The following ADAM23 variants were observed in gnomAD, a reference collection of about 807,000 sequenced individuals.
ADAM23 encodes the protein disintegrin and metalloproteinase domain-containing protein 23.
In ADAM23, 33 loss-of-function variants were observed where a neutral mutation model predicts 120.1. That is an observed-to-expected ratio of 0.27 (90% CI 0.21 to 0.37). The LOEUF is 0.37. Ranked by LOEUF, ADAM23 falls within the 10% of genes least tolerant of loss-of-function variation. The probability of loss-of-function intolerance (pLI) is 1.00; values close to 1 mark genes in which losing one functional copy is unlikely to be tolerated. For synonymous variants in ADAM23, 367 were observed against 375.2 expected, an observed-to-expected ratio of 0.98 and a Z score of 0.25; for missense variants, 862 against 1,058.2, an observed-to-expected ratio of 0.81 and a Z score of 2.57.
intron 8 of ADAM23, 48 bp from the exon 9 acceptor site, chr2:206,550,047 G>C (rs1218576367): frequency 8.0e-6 from 10 of 1,249,950 alleles, no homozygotes; most frequent in Non-Finnish European, 1.0e-5. Context: ...GCACTAGAGA[G>C]ATTTTATGTC....
intron 2 of ADAM23, among the ~76,000 whole-genome samples, chr2:206,445,997 GTTTC>G (rs1695075609): frequency 6.6e-6 from 1 of 151,992 alleles, no homozygotes; most frequent in Non-Finnish European, 1.5e-5. Context: ...TAAACAGTCT[GTTTC>G]TTTAATTGAT....
chr2:206,446,440 A>T (rs1034872070), intron 2 of ADAM23, among the ~76,000 whole-genome samples: 2 of 152,196 alleles, frequency 1.3e-5, no homozygotes, highest in African/African-American at 4.8e-5. Flanking sequence ...ACAGTTAGCA[A>T]TTAACTGTCT....
Position 206,473,934 on chromosome 2 carries a change from G to T in ADAM23, c.433-7298G>T, listed in dbSNP as rs1024944242. Reference sequence around the variant, plus strand: ...AGGCTGAGGTGGGAGGATTGCTTCAGCTAGGAGGTCAAGGCTGCAGTGAGT... The same window carrying T: ...AGGCTGAGGTGGGAGGATTGCTTCATCTAGGAGGTCAAGGCTGCAGTGAGT... On this transcript the variant is annotated intron_variant, in intron 2 of 25. Transcript: ENST00000264377. Among the ~76,000 whole-genome samples the T allele has an allele frequency of 4.0e-5, 6 of 150,192 alleles. No individual in the cohort carries two copies. The East Asian group carries it at 1.2e-3, about 29-fold the overall frequency.
At chr2:206,540,628 C>G (rs1256932837) in intron 4 of ADAM23, among the ~76,000 whole-genome samples, 2 of 152,050 alleles carry the variant, frequency 1.3e-5, no homozygotes, top group African/African-American at 4.8e-5. Context: ...AGGAGTGACT[C>G]TTAGCTTTGA....
intron 25 of ADAM23, among the ~76,000 whole-genome samples, chr2:206,617,036 T>C (rs570895919): frequency 1.3e-5 from 2 of 152,174 alleles, no homozygotes; most frequent in African/African-American, 2.4e-5. Flanking sequence ...TTTCTAGATA[T>C]AAAAAATGCT....
At chr2:206,568,749 C>T (rs1323858804) in intron 15 of ADAM23, among the ~76,000 whole-genome samples, 1 of 152,182 alleles carries the variant, frequency 6.6e-6, no homozygotes, top group Non-Finnish European at 1.5e-5. Context: ...TCAAATATAG[C>T]TCATTGCTAT....
intron 3 of ADAM23, among the ~76,000 whole-genome samples, chr2:206,524,694 C>T (rs1312288921): frequency 6.6e-6 from 1 of 152,176 alleles, no homozygotes; most frequent in African/African-American, 2.4e-5. Context: ...CATCAGATCT[C>T]GTGAGACTTA....
intron 11 of ADAM23, 41 bp downstream of exon 11, chr2:206,560,159 A>T: frequency 6.4e-7 from 1 of 1,560,478 alleles, no homozygotes; most frequent in Non-Finnish European, 8.7e-7. Context: ...CTTTGGTCTG[A>T]CATTTATCCT....
chr2:206,572,532 T>C (rs1698024964), intron 17 of ADAM23, among the ~76,000 whole-genome samples: 1 of 152,238 alleles, frequency 6.6e-6, no homozygotes, highest in Non-Finnish European at 1.5e-5. Context: ...CCTTGCTTCA[T>C]GTCCCCAACC....
At position 206,525,662 on chromosome 2, in the gene ADAM23, G is replaced by A. The variant is rs1008811639; in HGVS notation, c.510-5223G>A. Among the ~76,000 whole-genome samples the A allele has an allele frequency of 4.6e-5, 7 of 152,102 alleles. No homozygotes were observed. In the East Asian group the frequency reaches 1.4e-3, roughly 29 times the overall value. On this transcript the variant is annotated intron_variant, in intron 3 of 25. Coordinates refer to ENST00000264377, the MANE Select transcript of ADAM23 (RefSeq NM_003812.4). The stretch of plus-strand genomic sequence containing the variant: ...GCTGGAATGCAGTGGTGTGATCTCG[G>A]CTCACTGCAACCTCTGCCTCACAGG...
At chr2:206,450,918 C>T (rs1046813237) in intron 2 of ADAM23, among the ~76,000 whole-genome samples, 13 of 152,102 alleles carry the variant, frequency 8.5e-5, no homozygotes, top group African/African-American at 2.9e-4. Context: ...ACACTTTGTC[C>T]CTACCTTTGC....
intron 6 of ADAM23, among the ~76,000 whole-genome samples, chr2:206,543,882 G>A (rs1296143070): frequency 6.6e-6 from 1 of 152,140 alleles, no homozygotes; most frequent in Non-Finnish European, 1.5e-5. Flanking sequence ...ACTCAGGAGT[G>A]GAAAACCAAA....
intron 2 of ADAM23, among the ~76,000 whole-genome samples, chr2:206,452,844 A>C (rs1695224075): frequency 6.6e-6 from 1 of 151,862 alleles, no homozygotes; most frequent in African/African-American, 2.4e-5. Context: ...CCTGCCTATA[A>C]ATAGTCGCTG....
chr2:206,528,544 A>G (rs888373096), intron 3 of ADAM23, among the ~76,000 whole-genome samples: 1 of 152,210 alleles, frequency 6.6e-6, no homozygotes, highest in Non-Finnish European at 1.5e-5. Context: ...TACGCAGGAC[A>G]TACCCAGGAG....
intron 3 of ADAM23, among the ~76,000 whole-genome samples, chr2:206,526,120 A>G (rs980368168): frequency 1.3e-5 from 2 of 150,516 alleles, no homozygotes; most frequent in Non-Finnish European, 2.9e-5. Flanking sequence ...CATGAATCTC[A>G]TATTCAAGGA....
At chr2:206,462,838 G>T (rs1695453817) in intron 2 of ADAM23, among the ~76,000 whole-genome samples, 1 of 152,066 alleles carries the variant, frequency 6.6e-6, no homozygotes, top group Non-Finnish European at 1.5e-5. Flanking sequence ...AGATTTTGTT[G>T]TGGTTTCATC....
intron 24 of ADAM23, chr2:206,608,142 G>A: frequency 3.5e-6 from 1 of 286,860 alleles, no homozygotes; most frequent in Non-Finnish European, 6.8e-6. Flanking sequence ...AAGGCCAGAT[G>A]GTAAATAGTT....
chr2:206,499,648 GAAAAT>G (rs920662044), intron 3 of ADAM23, among the ~76,000 whole-genome samples: 1 of 151,556 alleles, frequency 6.6e-6, no homozygotes, highest in Non-Finnish European at 1.5e-5. Context: ...ATAATAATAA[GAAAAT>G]AAATAAAATA....
chr2:206,595,981 C>G, intron 23 of ADAM23, 70 bp from the exon 24 acceptor site: 2 of 1,272,978 alleles, frequency 1.6e-6, no homozygotes, highest in African/African-American at 1.5e-5. Context: ...CCCCGTGTCT[C>G]TTTTACATTT....
Sources: allele counts gnomAD v4.1 joint callset (sites outside exome capture counted in the v4.1 genomes callset), GRCh38; gene constraint gnomAD v4.1.1; transcripts MANE v1.5; gene names NCBI Gene and HGNC (gene_info 2026-07-23, HGNC 2026-07-21).